The following TLCD4 variants were observed in gnomAD, a reference collection of about 807,000 sequenced individuals.
TLCD4 encodes the protein TLC domain-containing protein 4.
Under a neutral mutation model 24.2 loss-of-function variants are expected in TLCD4, and 7 were observed. The observed-to-expected ratio is 0.29, with a 90% CI of 0.16 to 0.54. The LOEUF is 0.54. TLCD4 is among the 20% of genes least tolerant of loss of function. The pLI, the probability that TLCD4 is intolerant of heterozygous loss-of-function variation, is 0.95. For synonymous variants in TLCD4, 103 were observed against 106.4 expected, an observed-to-expected ratio of 0.97 and a Z score of 0.20; for missense variants, 259 against 313.9, an observed-to-expected ratio of 0.82 and a Z score of 1.32.
chr1:95,111,318 CAAAA>C, the TLCD4 span, among the ~76,000 whole-genome samples: 6 of 123,072 alleles, frequency 4.9e-5, no homozygotes, highest in African/African-American at 1.4e-4. Flanking sequence ...CAAAACAAAA[CAAAA>C]AAAAAGAAAA....
chr1:95,158,815 A>G (rs1677704324), intron 5 of TLCD4, among the ~76,000 whole-genome samples: 4 of 152,050 alleles, frequency 2.6e-5, no homozygotes, highest in Admixed American at 2.6e-4. Context: ...AGCTTCATCC[A>G]TGTCCCTACA....
At chr1:95,149,074 T>C (rs1677424886) in intron 3 of TLCD4, among the ~76,000 whole-genome samples, 1 of 152,196 alleles carries the variant, frequency 6.6e-6, no homozygotes, top group South Asian at 2.1e-4. Context: ...AGCCAAGTTA[T>C]TGTAGTCACA....
chr1:95,162,789 G>A (rs1677862022), intron 5 of TLCD4, among the ~76,000 whole-genome samples: 1 of 152,176 alleles, frequency 6.6e-6, no homozygotes, highest in Non-Finnish European at 1.5e-5. Context: ...ATGAAATTCT[G>A]GATTGAAAGT....
intron 5 of TLCD4, among the ~76,000 whole-genome samples, chr1:95,154,354 C>T (rs1185190045): frequency 6.6e-6 from 1 of 152,130 alleles, no homozygotes; most frequent in African/African-American, 2.4e-5. Context: ...TCCTTGTCAA[C>T]AGGACTTAGG....
At chr1:95,107,687 C>T in the TLCD4 span, among the ~76,000 whole-genome samples, 42 of 151,992 alleles carry the variant, frequency 2.8e-4, no homozygotes, top group Non-Finnish European at 5.3e-4. Flanking sequence ...TACATAGGAA[C>T]AGGATAGGGA....
At chr1:95,184,560 AT>A (rs1254279936) in intron 6 of TLCD4, among the ~76,000 whole-genome samples, 1 of 152,200 alleles carries the variant, frequency 6.6e-6, no homozygotes, top group East Asian at 1.9e-4. Context: ...TAATTGCTAA[AT>A]GACCAAAGTT....
rs892062044 is a variant in TLCD4, at chr1:95,117,451, C to G, written c.-178C>G. The G allele has an allele frequency of 1.3e-5, 2 of 152,388 alleles. No homozygotes were observed. The highest frequency in any genetic ancestry group is 4.8e-5 in the African/African-American group (2 of 41,566). The allele number at this position is 152,388 out of a possible 1,614,324, so 9.4% of individuals were successfully genotyped here. The stretch of plus-strand genomic sequence containing the variant: ...TCCGCGACTGCACCTCCAAGCGGCC[C>G]GGAACCCGCGGCTTCCCTGGCTCCC... On this transcript the variant is annotated 5_prime_UTR_variant, in exon 1 of 7. Transcript: ENST00000370203.
chr1:95,159,596 A>G (rs1677726761), intron 5 of TLCD4, among the ~76,000 whole-genome samples: 1 of 152,142 alleles, frequency 6.6e-6, no homozygotes, highest in South Asian at 2.1e-4. Flanking sequence ...TATGTCCTGA[A>G]TGGTATTGCC....
intron 5 of TLCD4, among the ~76,000 whole-genome samples, chr1:95,167,867 A>G (rs528556451): frequency 6.0e-4 from 91 of 152,260 alleles, no homozygotes; most frequent in Admixed American, 2.4e-3. Context: ...TCACCAATAA[A>G]TAGTCTGGGC....
At chr1:95,102,202 G>T in the TLCD4 span, among the ~76,000 whole-genome samples, 1 of 152,182 alleles carries the variant, frequency 6.6e-6, no homozygotes, top group East Asian at 1.9e-4. Context: ...TTTATTGAGG[G>T]TCTATTTTGT....
intron 5 of TLCD4, among the ~76,000 whole-genome samples, chr1:95,168,893 C>T (rs1365909440): frequency 6.6e-6 from 1 of 152,228 alleles, no homozygotes; most frequent in Non-Finnish European, 1.5e-5. Context: ...AGTACTCTCA[C>T]AGATAAGCAG....
the TLCD4 span, among the ~76,000 whole-genome samples, chr1:95,093,178 A>G: frequency 6.6e-6 from 1 of 152,248 alleles, no homozygotes; most frequent in East Asian, 1.9e-4. Flanking sequence ...AACCTGAAGA[A>G]TAATGCACAA....
At chr1:95,116,775 G>T (rs1426277176), upstream of TLCD4, among the ~76,000 whole-genome samples, 2 of 152,142 alleles carry the variant, frequency 1.3e-5, no homozygotes. Flanking sequence ...AGGGGTTCCG[G>T]GTGTAGGTGT....
intron 5 of TLCD4, among the ~76,000 whole-genome samples, chr1:95,172,929 G>T (rs1002029947): frequency 1.3e-5 from 2 of 152,112 alleles, no homozygotes; most frequent in Non-Finnish European, 2.9e-5. Flanking sequence ...AATTTTTAAA[G>T]TATATTAAGT....
At chr1:95,179,183 A>G (rs140712846) in intron 6 of TLCD4, among the ~76,000 whole-genome samples, 449 of 152,356 alleles carry the variant, frequency 2.9e-3, no homozygotes, top group African/African-American at 0.01. Context: ...TAAAAATTCA[A>G]TTCCTTAGTC....
intron 5 of TLCD4, among the ~76,000 whole-genome samples, chr1:95,152,612 G>T (rs1483749155): frequency 2.6e-5 from 4 of 151,994 alleles, no homozygotes; most frequent in Non-Finnish European, 5.9e-5. Flanking sequence ...GGTATTATAG[G>T]TTATATAATG....
intron 5 of TLCD4, chr1:95,164,335 T>A (rs1677939577): frequency 6.6e-6 from 1 of 152,300 alleles, no homozygotes; most frequent in East Asian, 1.9e-4. Context: ...GTGCTGTTTG[T>A]TAAGGCTGTT....
intron 5 of TLCD4, among the ~76,000 whole-genome samples, chr1:95,173,141 C>T (rs930283102): frequency 6.6e-6 from 1 of 152,168 alleles, no homozygotes. Context: ...TGTTGTCATA[C>T]TGGGCAAATA....
chr1:95,099,870 G>A, the TLCD4 span, among the ~76,000 whole-genome samples: 18 of 151,508 alleles, frequency 1.2e-4, no homozygotes, highest in Non-Finnish European at 2.2e-4. Context: ...GGTGGCTCAC[G>A]TCTATAATCC....
Sources: allele counts gnomAD v4.1 joint callset (sites outside exome capture counted in the v4.1 genomes callset), GRCh38; gene constraint gnomAD v4.1.1; transcripts MANE v1.5; gene names NCBI Gene and HGNC (gene_info 2026-07-23, HGNC 2026-07-21).